Variants in PLEKHA6 observed in about 807,000 individuals in gnomAD.
PLEKHA6 encodes the protein pleckstrin homology domain containing A6.
Under a neutral mutation model 116.7 loss-of-function variants are expected in PLEKHA6, and 60 were observed. The ratio of observed to expected loss-of-function variants is 0.51; its 90% confidence interval spans 0.42 to 0.64. The LOEUF is 0.64. Among genes scored for constraint, PLEKHA6 ranks in the 30% least tolerant of loss-of-function variants. The probability of loss-of-function intolerance (pLI) is 0.00; values close to 1 mark genes in which losing one functional copy is unlikely to be tolerated. For synonymous variants in PLEKHA6, 489 were observed against 556.1 expected, an observed-to-expected ratio of 0.88 and a Z score of 1.70; for missense variants, 1,338 against 1,422.7, an observed-to-expected ratio of 0.94 and a Z score of 0.96.
intron 1 of PLEKHA6, among the ~76,000 whole-genome samples, chr1:204,345,826 A>C (rs1673021794): frequency 6.6e-6 from 1 of 152,008 alleles, no homozygotes; most frequent in South Asian, 2.1e-4. Context: ...ACTTGACCTT[A>C]ATGGTAAGAG....
intron 21 of PLEKHA6, among the ~76,000 whole-genome samples, chr1:204,227,556 T>C (rs959581886): frequency 3.3e-5 from 5 of 152,196 alleles, no homozygotes; most frequent in African/African-American, 1.2e-4. Context: ...AGTTATCTTT[T>C]CTTAGCAGAA....
Position 204,297,990 on chromosome 1 carries a change from A to T in PLEKHA6, c.-94-23181T>A, listed in dbSNP as rs77337001. 4.8e-3 allele frequency: 3,450 copies of T among 717,792 alleles called. 92 individuals are homozygous for T. The African/African-American group carries it at 0.06, about 13-fold the overall frequency. 44.5% of individuals were successfully genotyped at this position (717,792 alleles called of 1,614,324 possible). On this transcript the variant is annotated intron_variant, in intron 1 of 22. Coordinates refer to ENST00000272203, the MANE Select transcript of PLEKHA6 (RefSeq NM_014935.5). ...TTGCCTGAACCTCCACACCTTTCTC[A>T]TGGTTCACAATTGGCTCTGGTCCCA...
intron 15 of PLEKHA6, 95 bp from the exon 16 acceptor site, chr1:204,241,909 C>G: frequency 7.5e-7 from 1 of 1,329,814 alleles, no homozygotes; most frequent in Middle Eastern, 1.8e-4. Flanking sequence ...GGTTGAAGCT[C>G]AAACCCTTGC....
At chr1:204,263,545 G>C (rs1049464686) in intron 6 of PLEKHA6, among the ~76,000 whole-genome samples, 5 of 152,124 alleles carry the variant, frequency 3.3e-5, no homozygotes, top group Non-Finnish European at 7.4e-5. Flanking sequence ...TTTAAAAGAG[G>C]CAGCGCAGTG....
chr1:204,292,640 G>A (rs141919278), intron 1 of PLEKHA6, among the ~76,000 whole-genome samples: 1 of 152,180 alleles, frequency 6.6e-6, no homozygotes, highest in African/African-American at 2.4e-5. Flanking sequence ...TCTTGCCCTG[G>A]CTTGGTCTTT....
chr1:204,284,770 G>A (rs1176983942), intron 1 of PLEKHA6, among the ~76,000 whole-genome samples: 1 of 152,070 alleles, frequency 6.6e-6, no homozygotes, highest in Non-Finnish European at 1.5e-5. Flanking sequence ...CTCAGAGTCA[G>A]GAGTCTTGGT....
chr1:204,262,574 C>T (rs1227934067), intron 6 of PLEKHA6, among the ~76,000 whole-genome samples: 1 of 152,100 alleles, frequency 6.6e-6, no homozygotes, highest in Non-Finnish European at 1.5e-5. Context: ...CCCTTGAGCC[C>T]TAAATCCTGG....
chr1:204,329,879 A>T (rs1572189360), intron 1 of PLEKHA6, among the ~76,000 whole-genome samples: 1 of 144,162 alleles, frequency 6.9e-6, no homozygotes, highest in Non-Finnish European at 1.5e-5. Flanking sequence ...ACAAAGTGAG[A>T]CCCTGTCTCA....
At chr1:204,268,180 G>A (rs762307433) in intron 4 of PLEKHA6, 28 bp downstream of exon 4, 18 of 1,434,152 alleles carry the variant, frequency 1.3e-5, no homozygotes, top group Admixed American at 3.6e-5. Flanking sequence ...TGGAGGCTAC[G>A]GTGGCCAGAA....
intron 1 of PLEKHA6, among the ~76,000 whole-genome samples, chr1:204,355,993 ACAC>A (rs1313717773): frequency 1.4e-5 from 1 of 72,456 alleles, no homozygotes; most frequent in Non-Finnish European, 3.0e-5. Flanking sequence ...ACACACACAC[ACAC>A]ACACAAAAAA....
At chr1:204,263,911 T>C (rs550243354) in intron 6 of PLEKHA6, among the ~76,000 whole-genome samples, 1 of 152,264 alleles carries the variant, frequency 6.6e-6, no homozygotes, top group East Asian at 1.9e-4. Context: ...AAACTAATTA[T>C]GTGCCAAATA....
chr1:204,234,789 A>T (rs12070779), intron 17 of PLEKHA6, among the ~76,000 whole-genome samples: 78,076 of 150,668 alleles, frequency 0.52, 20,817 homozygotes, highest in African/African-American at 0.66. Context: ...TGACCTAGCC[A>T]CCCAGCCTAC....
At chr1:204,351,052 G>A (rs374086346) in intron 1 of PLEKHA6, among the ~76,000 whole-genome samples, 3 of 152,126 alleles carry the variant, frequency 2.0e-5, no homozygotes, top group South Asian at 4.1e-4. Flanking sequence ...CCGGTTACCC[G>A]GGCAACCCAG....
intron 4 of PLEKHA6, 95 bp from the exon 5 acceptor site, chr1:204,267,642 G>T: frequency 9.5e-7 from 1 of 1,050,046 alleles, no homozygotes. Context: ...CAATTATAAG[G>T]ACATCCTGGC....
intron 1 of PLEKHA6, among the ~76,000 whole-genome samples, chr1:204,285,356 T>TA (rs1558137894): frequency 1.3e-5 from 2 of 152,208 alleles, no homozygotes; most frequent in African/African-American, 4.8e-5. Context: ...AACAAAAAGT[T>TA]AAAAATCAGA....
chr1:204,233,465 T>C (rs1468741720), intron 17 of PLEKHA6, among the ~76,000 whole-genome samples: 1 of 151,874 alleles, frequency 6.6e-6, no homozygotes, highest in Non-Finnish European at 1.5e-5. Flanking sequence ...CTCAGTCTCC[T>C]GAGTAGCTAA....
chr1:204,308,430 T>G (rs1671485631), intron 1 of PLEKHA6, among the ~76,000 whole-genome samples: 1 of 152,040 alleles, frequency 6.6e-6, no homozygotes, highest in African/African-American at 2.4e-5. Context: ...AATCAATCAA[T>G]CAATGTCAGT....
chr1:204,281,106 G>A, intron 1 of PLEKHA6: 1 of 437,508 alleles, frequency 2.3e-6, no homozygotes, highest in Non-Finnish European at 3.0e-6. Flanking sequence ...AGGATCACTT[G>A]AGCCCAGGAG....
intron 1 of PLEKHA6, chr1:204,311,748 A>C: frequency 1.3e-6 from 1 of 770,188 alleles, no homozygotes; most frequent in Non-Finnish European, 1.6e-6. Flanking sequence ...ACTTCCCAAC[A>C]TGAAAGCCCT....
Sources: gnomAD v4.1 joint callset for allele counts (sites outside exome capture counted in the v4.1 genomes callset) on GRCh38, gnomAD v4.1.1 for gene constraint, MANE v1.5 for transcripts, NCBI Gene and HGNC (gene_info 2026-07-23, HGNC 2026-07-21) for gene names.